TXNL4A: variants seen among roughly 807,000 people sequenced by gnomAD.
TXNL4A encodes the protein thioredoxin-like protein 4A.
Under a neutral mutation model 14.6 loss-of-function variants are expected in TXNL4A, and 17 were observed. The observed-to-expected ratio is 1.16, with a 90% CI of 0.80 to 1.74. The LOEUF (loss-of-function observed/expected upper bound fraction) is 1.74, where lower values mean the gene tolerates loss of function less well. Ranked by LOEUF, TXNL4A falls within the 40% of genes most tolerant of loss-of-function variation. TXNL4A has a pLI of 0.00. For synonymous variants in TXNL4A, 83 were observed against 70.6 expected (o/e 1.18, Z -0.88); for missense variants, 74 against 195.2 (o/e 0.38, Z 3.70).
chr18:80,016,479 G>A (rs1249977450), intron 1 of TXNL4A, among the ~76,000 whole-genome samples: 2 of 151,702 alleles, frequency 1.3e-5, no homozygotes, highest in Non-Finnish European at 2.9e-5. Context: ...TTTCTTCTAG[G>A]GTTTTTATGG....
chr18:80,023,875 C>T (rs1176135267), intron 1 of TXNL4A, among the ~76,000 whole-genome samples: 1 of 152,140 alleles, frequency 6.6e-6, no homozygotes, highest in African/African-American at 2.4e-5. Flanking sequence ...AATTTGAAGC[C>T]CTCAAAGTCA....
At chr18:80,014,561 C>T (rs1234310447) in intron 1 of TXNL4A, among the ~76,000 whole-genome samples, 1 of 152,236 alleles carries the variant, frequency 6.6e-6, no homozygotes, top group Non-Finnish European at 1.5e-5. Context: ...TCTTGGGCAG[C>T]TCCACCCCTG....
intron 1 of TXNL4A, among the ~76,000 whole-genome samples, chr18:80,016,128 T>C (rs1338083041): frequency 1.5e-4 from 22 of 149,326 alleles, no homozygotes; most frequent in African/African-American, 3.9e-4. Flanking sequence ...ATGAGCATTT[T>C]TTCATGTGTC....
At chr18:80,008,634 TC>T (rs1025122627) in intron 1 of TXNL4A, among the ~76,000 whole-genome samples, 1 of 152,046 alleles carries the variant, frequency 6.6e-6, no homozygotes, top group African/African-American at 2.4e-5. Context: ...CCTGAGTGCT[TC>T]CCCCCGTTCT....
chr18:79,984,952 C>T (rs979024398), intron 1 of TXNL4A, among the ~76,000 whole-genome samples: 3 of 151,822 alleles, frequency 2.0e-5, no homozygotes, highest in Non-Finnish European at 2.9e-5. Context: ...CCTCTGAGAG[C>T]GTTCCTACAA....
upstream of TXNL4A, among the ~76,000 whole-genome samples, chr18:79,990,475 TCTC>T (rs1041912067): frequency 2.0e-5 from 3 of 152,138 alleles, no homozygotes; most frequent in African/African-American, 4.8e-5. Context: ...TAAAACAAAA[TCTC>T]CTGTACTTCA....
At chr18:80,022,433 AC>A (rs2051856277) in intron 1 of TXNL4A, among the ~76,000 whole-genome samples, 1 of 152,250 alleles carries the variant, frequency 6.6e-6, no homozygotes, top group South Asian at 2.1e-4. Context: ...GAAAACCTGT[AC>A]ACTGGGAACC....
chr18:80,012,852 C>G (rs562803535), intron 1 of TXNL4A, among the ~76,000 whole-genome samples: 6 of 150,488 alleles, frequency 4.0e-5, no homozygotes, highest in African/African-American at 1.5e-4. Flanking sequence ...TTTTTGGGAC[C>G]GGGGTCCAGT....
intron 1 of TXNL4A, among the ~76,000 whole-genome samples, chr18:80,013,233 C>T (rs1260438985): frequency 6.6e-6 from 1 of 151,484 alleles, no homozygotes; most frequent in Non-Finnish European, 1.5e-5. Context: ...CACCATTCTC[C>T]TGCCTCAGCC....
At chr18:80,002,302 T>G (rs1288625684) in intron 1 of TXNL4A, among the ~76,000 whole-genome samples, 1 of 152,116 alleles carries the variant, frequency 6.6e-6, no homozygotes, top group Non-Finnish European at 1.5e-5. Flanking sequence ...ATCCGTTAGG[T>G]CCTCGTGTCT....
chr18:80,009,436 T>C (rs1269998472), intron 1 of TXNL4A, among the ~76,000 whole-genome samples: 1 of 152,150 alleles, frequency 6.6e-6, no homozygotes, highest in Non-Finnish European at 1.5e-5. Flanking sequence ...CTCCTGTTGT[T>C]GGGAGGCCCC....
chr18:79,996,438 A>T (rs2051662977), intron 1 of TXNL4A, among the ~76,000 whole-genome samples: 1 of 152,300 alleles, frequency 6.6e-6, no homozygotes, highest in Admixed American at 6.5e-5. Flanking sequence ...GTCTAAACCT[A>T]AACCTTAACA....
intron 1 of TXNL4A, chr18:79,978,000 A>C: frequency 3.1e-6 from 1 of 320,880 alleles, no homozygotes; most frequent in South Asian, 4.6e-5. Context: ...ATTCTTCAAC[A>C]TTTTTTCCCA....
At chr18:80,017,282 T>C (rs1448978238) in intron 1 of TXNL4A, among the ~76,000 whole-genome samples, 5 of 152,218 alleles carry the variant, frequency 3.3e-5, no homozygotes, top group Non-Finnish European at 7.3e-5. Context: ...TGGGGTTTTC[T>C]AGATATACAA....
rs541487301 is a variant in TXNL4A at position 79,993,685 on chromosome 18, T to C, written c.-60-15984A>G. ...GACCAACTCCAAACCCTCTAGCTTA[T>C]GAGTGTGGAATTTTCTAAAGAAATA... On this transcript the variant is annotated intron_variant, in intron 1 of 2. Transcript: ENST00000585474. This position sits in a 1 kb window ranked among gnomAD's most constrained non-coding sequence, Gnocchi z 4.4. Among the ~76,000 whole-genome samples, 1 of 152,310 alleles carries C rather than the reference T, an allele frequency of 6.6e-6. No homozygotes were observed. The highest frequency in any genetic ancestry group is 2.1e-4 in the South Asian group (1 of 4,830).
intron 1 of TXNL4A, among the ~76,000 whole-genome samples, chr18:80,022,780 C>T (rs1283220107): frequency 1.3e-5 from 2 of 152,176 alleles, no homozygotes; most frequent in East Asian, 1.9e-4. Flanking sequence ...TCTCCTCTTT[C>T]CTTCTCTTCT....
chr18:80,021,959 A>T (rs1035511276), intron 1 of TXNL4A, among the ~76,000 whole-genome samples: 6 of 151,232 alleles, frequency 4.0e-5, no homozygotes, highest in Admixed American at 2.0e-4. Context: ...TTCTGGAGCC[A>T]TAAGGATGGT....
intron 1 of TXNL4A, among the ~76,000 whole-genome samples, chr18:79,985,287 GCT>G (rs1441410141): frequency 6.6e-6 from 1 of 151,914 alleles, no homozygotes; most frequent in Non-Finnish European, 1.5e-5. Context: ...ACAGGGTCTC[GCT>G]CTGTCACCCA....
intron 1 of TXNL4A, among the ~76,000 whole-genome samples, chr18:80,018,327 T>A (rs1432127480): frequency 6.6e-6 from 1 of 151,910 alleles, no homozygotes; most frequent in Non-Finnish European, 1.5e-5. Flanking sequence ...CTGGGACACA[T>A]TCAAAGCAGT....
Sources: allele counts gnomAD v4.1 joint callset (sites outside exome capture counted in the v4.1 genomes callset), GRCh38; gene constraint gnomAD v4.1.1; non-coding constraint Gnocchi (gnomAD v3.1); transcripts MANE v1.5; gene names NCBI Gene and HGNC (gene_info 2026-07-23, HGNC 2026-07-21).